MEGF8: variants seen among roughly 807,000 people sequenced by gnomAD.
MEGF8 encodes the protein multiple epidermal growth factor-like domains protein 8.
MEGF8 carries 156 observed loss-of-function variants against 302.9 expected under a neutral mutation model. The ratio of observed to expected loss-of-function variants is 0.52; its 90% CI spans 0.45 to 0.59. The LOEUF is 0.59. Among genes scored for constraint, MEGF8 ranks in the 20% least tolerant of loss-of-function variants. The pLI, the probability that MEGF8 is intolerant of heterozygous loss-of-function variation, is 0.00. For synonymous variants in MEGF8, 1,621 were observed against 1,660.5 expected (o/e 0.98, Z 0.58); for missense variants, 3,345 against 3,964.5 (o/e 0.84, Z 4.20).
intron 1 of MEGF8, among the ~76,000 whole-genome samples, chr19:42,328,590 G>GTGTGTGTGTGTGTGTGTGTGTGT (rs57025235): frequency 6.6e-6 from 1 of 151,678 alleles, no homozygotes; most frequent in African/African-American, 2.4e-5. Context: ...GTGTGTGTGT[G>GTGTGTGTGTGTGTGTGTGTGTGT]GCGAAGGGGT....
Position 42,356,327 on chromosome 19 carries a change from A to T in MEGF8, c.4504-8A>T. On this transcript the variant is annotated splice_region_variant and splice_polypyrimidine_tract_variant and intron_variant, in intron 25 of 41. Coordinates refer to ENST00000251268, the MANE Select transcript of MEGF8 (RefSeq NM_001271938.2). This position sits in a 1 kb window ranked among gnomAD's most constrained non-coding sequence, Gnocchi z 5.2. ...AGCCTGATCCCCAATGTCCGCACCC[A>T]CCCCTAGGACACTGCCAGCCGCTTC... 1 of 1,608,762 alleles carries T rather than the reference A, an allele frequency of 6.2e-7. No individual in the cohort carries two copies. Among genetic ancestry groups the T allele is most frequent in the South Asian group, 1.1e-5 (1 of 90,006 alleles).
At chr19:42,334,264 A>C in intron 3 of MEGF8, 51 bp downstream of exon 3, 1 of 1,489,284 alleles carries the variant, frequency 6.7e-7, no homozygotes, top group Non-Finnish European at 9.0e-7. Context: ...CTGTGAGCGC[A>C]GCCTCCACGC....
rs45618138 is a variant in MEGF8 at position 42,354,516 on chromosome 19, C to G, written c.4012-72C>G. The G allele has an allele frequency of 4.1e-3, 6,252 of 1,531,900 alleles. 186 individuals carry two copies. In the African/African-American group the frequency reaches 0.072, roughly 18 times the overall value. 94.9% of individuals were successfully genotyped at this position (1,531,900 alleles called of 1,614,324 possible). ...CAGATTGCCCTCCCCTCTTGAACCC[C>G]TCCTCCTCCCAGACCCCAGGTGTCG... On this transcript the variant is annotated intron_variant, in intron 22 of 41. Coordinates refer to ENST00000251268, the MANE Select transcript of MEGF8 (RefSeq NM_001271938.2). The surrounding 1 kb of genome is among the most constrained non-coding windows in gnomAD (Gnocchi z 4.3).
In MEGF8 at chr19:42,375,011, A is replaced by G. The variant is rs1007224490; in HGVS notation, c.7270-496A>G. ...CCCAGGGTGGGAGGGCGCCTGGCAC[A>G]GTATAGAAGAAGCATCCAGGCAGGC... On this transcript the variant is annotated intron_variant, in intron 41 of 41. Transcript: ENST00000251268. This position sits in a 1 kb window ranked among gnomAD's most constrained non-coding sequence, Gnocchi z 7.1. 9.2e-5 allele frequency among the ~76,000 whole-genome samples: 14 copies of G among 152,204 alleles called. 1 individual carries two copies. Among genetic ancestry groups the G allele is most frequent in the African/African-American group, 3.4e-4 (14 of 41,456 alleles).
Position 42,352,842 on chromosome 19 carries a change from G to A in MEGF8, c.3351-86G>A. On this transcript the variant is annotated intron_variant, in intron 19 of 41. Coordinates refer to ENST00000251268, the MANE Select transcript of MEGF8 (RefSeq NM_001271938.2). This position sits in a 1 kb window ranked among gnomAD's most constrained non-coding sequence, Gnocchi z 4.4. ...CATGGAAACAGCCAGTGGCTTTGAT[G>A]GTGTCATGGTGGGTGGAGATGATGG... 3.0e-6 allele frequency: 3 copies of A among 1,005,032 alleles called. No individual in the cohort carries two copies. The highest frequency in any genetic ancestry group is 4.5e-6 in the Non-Finnish European group (3 of 671,676). The allele number at this position is 1,005,032 out of a possible 1,614,324, so 62.3% of individuals were successfully genotyped here. A position where few individuals can be genotyped will look rare whatever the true frequency, so the allele number is the denominator to read the frequency against.
At position 42,360,952 on chromosome 19, in the gene MEGF8, C is replaced by T; in HGVS notation, c.5666C>T (p.Ser1889Phe). The part of the protein sequence containing the change: ...LLSSPEACNQ[S>F]GACTWCHGAC... ...TCCTCACCTGAAGCTTGTAACCAGT[C>T]TGGGGCCTGCACCTGGTGCCATGGG... The change falls in exon 32 of 42, where the codon TCT becomes TTT. Residue 1889 changes from serine to phenylalanine, a missense_variant. By Grantham distance (155) the Ser-to-Phe change is radical (BLOSUM62 -2). Transcript: ENST00000251268. 6.3e-7 allele frequency: 1 copy of T among 1,595,426 alleles called. No individual in the cohort carries two copies. Among genetic ancestry groups the T allele is most frequent in the South Asian group, 1.1e-5 (1 of 89,454 alleles).
chr19:42,337,831 T>G (rs1424879700), intron 8 of MEGF8, among the ~76,000 whole-genome samples: 1 of 148,282 alleles, frequency 6.7e-6, no homozygotes, highest in African/African-American at 2.5e-5. Context: ...TGAGAGGGAG[T>G]CTCGCTCCGT....
At position 42,353,104 on chromosome 19, in the gene MEGF8, C is replaced by T. The variant is rs2039400711; in HGVS notation, c.3527C>T (p.Pro1176Leu). The T allele has an allele frequency of 6.5e-7, 1 of 1,547,680 alleles. No individual in the cohort carries two copies. Among genetic ancestry groups the T allele is most frequent in the Non-Finnish European group, 8.7e-7 (1 of 1,145,940 alleles). ...CACAGCCACTGCCGCAAGCGGGGCC[C>T]TGGCTTCTGCGACGAGTGCCAGGGT... Reference protein sequence around the residue: ...SFHSHCRKRGPGFCDECQDWT... With the variant: ...SFHSHCRKRGLGFCDECQDWT... Residue 1176 changes from proline (P) to leucine (L), a missense_variant, in exon 20 of 42, where the codon CCT becomes CTT. Coordinates refer to ENST00000251268, the MANE Select transcript of MEGF8 (RefSeq NM_001271938.2). This position sits in a 1 kb window ranked among gnomAD's most constrained non-coding sequence, Gnocchi z 6.1.
At position 42,353,502 on chromosome 19, in the gene MEGF8, C is replaced by T. The variant is rs374616111; in HGVS notation, c.3588C>T (p.Pro1196=). Residue 1196 remains proline (P), a synonymous_variant, in exon 21 of 42, where the codon CCC becomes CCT. Transcript: ENST00000251268. The surrounding 1 kb of genome is among the most constrained non-coding windows in gnomAD (Gnocchi z 6.1). ...TWGEHCERCR[P]GSFGNATGSR... The stretch of plus-strand genomic sequence containing the variant: ...GGGAGCACTGCGAACGATGCCGGCC[C>T]GGCAGCTTCGGCAACGCCACAGGCT... The T allele has an allele frequency of 6.3e-5, 101 of 1,610,570 alleles. 1 individual carries two copies. The highest frequency in any genetic ancestry group is 5.9e-4 in the African/African-American group (44 of 75,028).
rs368024107 is a variant in MEGF8, at chr19:42,375,705, C to T, written c.7468C>T (p.Arg2490Cys). ...VQPKFTNVDIRLTLDVTFGAV... is the reference protein window; with the variant it reads ...VQPKFTNVDICLTLDVTFGAV... ...GCCCAAATTCACCAACGTGGACATC[C>T]GCCTGACGCTGGACGTGACCTTCGG... The change falls in exon 42 of 42, where the codon CGC (arginine) becomes TGC (cysteine). Residue 2490 changes from arginine to cysteine, a missense_variant. Physicochemically the swap from Arg to Cys is radical, Grantham distance 180 (BLOSUM62 -3). Transcript: ENST00000251268. The surrounding 1 kb of genome is among the most constrained non-coding windows in gnomAD (Gnocchi z 7.1). 105 of 1,610,998 alleles carry T rather than the reference C, an allele frequency of 6.5e-5. No individual in the cohort carries two copies. The highest frequency in any genetic ancestry group is 3.3e-4 in the Middle Eastern group (2 of 6,084).
At position 42,350,185 on chromosome 19, in the gene MEGF8, C is replaced by T. The variant is rs148207079; in HGVS notation, c.2537C>T (p.Ser846Leu). The change falls in exon 15 of 42, where the codon TCG becomes TTG. Residue 846 changes from serine (S) to leucine (L), a missense_variant. Transcript: ENST00000251268. The part of the protein sequence containing the change: ...SFFFLEPYRS[S>L]SCTSYSSCLG... ...TTCTTCCTGGAGCCCTACCGCTCGT[C>T]GTCCTGCACCTCCTATTCTTCCTGC... 2.4e-4 allele frequency: 389 copies of T among 1,613,558 alleles called. 1 individual carries two copies. The East Asian group carries it at 7.4e-3, about 31-fold the overall frequency.
chr19:42,359,230 C>T lies in MEGF8; in HGVS notation c.5476C>T (p.Pro1826Ser). 1 of 1,570,098 alleles carries T rather than the reference C, an allele frequency of 6.4e-7. No individual in the cohort carries two copies. Among genetic ancestry groups the T allele is most frequent in the Non-Finnish European group, 8.6e-7 (1 of 1,157,632 alleles). ...YQVNCNAWLL[P>S]DLTRSASVGP... ...GGTCAACTGCAATGCCTGGCTTCTG[C>T]CCGACCTCACCCGTAAGTCCCCATT... The change falls in exon 31 of 42, where the codon CCC becomes TCC. Residue 1826 changes from proline (P) to serine (S), a missense_variant. Physicochemically the swap from Pro to Ser is moderately conservative, Grantham distance 74. Transcript: ENST00000251268.
chr19:42,345,794 C>A (rs2039281130), intron 12 of MEGF8, among the ~76,000 whole-genome samples: 1 of 152,172 alleles, frequency 6.6e-6, no homozygotes, highest in African/African-American at 2.4e-5. Context: ...GTTTTCAATT[C>A]TTGTGGCTGT....
intron 12 of MEGF8, among the ~76,000 whole-genome samples, chr19:42,345,172 A>T (rs1234984255): frequency 6.6e-6 from 1 of 152,118 alleles, no homozygotes; most frequent in African/African-American, 2.4e-5. Flanking sequence ...AAGTTTCACC[A>T]TGTTGGTCAG....
Position 42,375,564 on chromosome 19 carries a change from C to T in MEGF8, c.7327C>T (p.Arg2443Cys), listed in dbSNP as rs766886630. 2.5e-6 allele frequency: 4 copies of T among 1,595,596 alleles called. No homozygotes were observed. The highest frequency in any genetic ancestry group is 2.7e-5 in the African/African-American group (2 of 74,488). Residue 2443 changes from arginine to cysteine, a missense_variant, in exon 42 of 42, where the codon CGC (arginine) becomes TGC (cysteine). Coordinates refer to ENST00000251268, the MANE Select transcript of MEGF8 (RefSeq NM_001271938.2). The surrounding 1 kb of genome is among the most constrained non-coding windows in gnomAD (Gnocchi z 7.1). The part of the protein sequence containing the change: ...GSPLGGQQCY[R>C]LISVEQECCL... Reference sequence around the variant, plus strand: ...TCCGCTGGGCGGCCAGCAGTGCTACCGCCTCATCTCGGTGGAGCAGGAGTG... The same window carrying T: ...TCCGCTGGGCGGCCAGCAGTGCTACTGCCTCATCTCGGTGGAGCAGGAGTG...
intron 12 of MEGF8, among the ~76,000 whole-genome samples, chr19:42,345,932 T>C (rs1008134231): frequency 2.0e-5 from 3 of 152,188 alleles, no homozygotes; most frequent in African/African-American, 7.2e-5. Flanking sequence ...AGAGTCTCTC[T>C]CTCTGTCGCC....
In MEGF8 at chr19:42,375,503, G is replaced by C. The variant is rs757465082; in HGVS notation, c.7270-4G>C. 1.9e-6 allele frequency: 3 copies of C among 1,572,594 alleles called. No individual in the cohort carries two copies. The highest frequency in any genetic ancestry group is 1.4e-5 in the African/African-American group (1 of 73,958). ...ATGGTCACCGCCTCTAACCCTGCCC[G>C]CAGTGCGCCAAGTGCCGGGAATCAT... is the stretch of plus-strand genomic sequence containing the variant. On this transcript the variant is annotated splice_polypyrimidine_tract_variant and splice_region_variant and intron_variant, in intron 41 of 41. Transcript: ENST00000251268. This position sits in a 1 kb window ranked among gnomAD's most constrained non-coding sequence, Gnocchi z 7.1.
rs1246470840 is a variant in MEGF8, at chr19:42,344,437, G to C, written c.1789-4G>C. 1.3e-6 allele frequency: 2 copies of C among 1,582,366 alleles called. No homozygotes were observed. Among genetic ancestry groups the C allele is most frequent in the South Asian group, 1.1e-5 (1 of 89,280 alleles). ...GTGAGCCCTTTCCCCTCTCCTCCTCGCAGTGTCCAGCCGCCAGCTGCCTGG... is the reference window on the plus strand; with the variant it reads ...GTGAGCCCTTTCCCCTCTCCTCCTCCCAGTGTCCAGCCGCCAGCTGCCTGG... On this transcript the variant is annotated splice_region_variant and splice_polypyrimidine_tract_variant and intron_variant, in intron 10 of 41. Coordinates refer to ENST00000251268, the MANE Select transcript of MEGF8 (RefSeq NM_001271938.2). This position sits in a 1 kb window ranked among gnomAD's most constrained non-coding sequence, Gnocchi z 4.5.
At position 42,344,615 on chromosome 19, in the gene MEGF8, AG is replaced by A. The variant is rs1285231604; in HGVS notation, c.1933+35del. On this transcript the variant is annotated intron_variant, in intron 11 of 41. Transcript: ENST00000251268. The surrounding 1 kb of genome is among the most constrained non-coding windows in gnomAD (Gnocchi z 4.5). ...GTGTCCGCAGCAGTGGGCCGGCAGG[AG>A]GGGGCCAGAGCACTCCACACTGACC... 1.3e-6 allele frequency: 2 copies of A among 1,572,686 alleles called. No individual in the cohort carries two copies. Among genetic ancestry groups the A allele is most frequent in the African/African-American group, 2.7e-5 (2 of 74,188 alleles).
Sources: gnomAD v4.1 joint callset for allele counts (sites outside exome capture counted in the v4.1 genomes callset) on GRCh38, gnomAD v4.1.1 for gene constraint, Gnocchi (gnomAD v3.1) non-coding constraint, MANE v1.5 for transcripts, NCBI Gene and HGNC (gene_info 2026-07-23, HGNC 2026-07-21) for gene names.